The following KIR3DL1 variants were observed in gnomAD, a reference collection of about 807,000 sequenced individuals.
The protein encoded by KIR3DL1 is killer cell immunoglobulin like receptor, three Ig domains and long cytoplasmic tail 1, also known as killer cell immunoglobulin-like receptor 3DL1.
Under a neutral mutation model 40.3 loss-of-function variants are expected in KIR3DL1, and 50 were observed. That is an observed-to-expected ratio of 1.24 (90% CI 0.99 to 1.57). The LOEUF (loss-of-function observed/expected upper bound fraction) is 1.57. Among genes scored for constraint, KIR3DL1 ranks in the 40% most tolerant of loss-of-function variants. The probability of loss-of-function intolerance (pLI) is 0.00; values close to 1 mark genes in which losing one functional copy is unlikely to be tolerated. For missense variants in KIR3DL1, 661 were observed against 559.9 expected, an observed-to-expected ratio of 1.18 and a Z score of -1.82; for synonymous variants, 257 against 207.2, an observed-to-expected ratio of 1.24 and a Z score of -2.07.
rs1457268924 is a variant in KIR3DL1, at chr19:54,819,646, C to A, written c.356-67C>A. 2.6e-6 allele frequency: 4 copies of A among 1,531,686 alleles called. 1 individual carries two copies. In the South Asian group the frequency reaches 4.7e-5, roughly 18 times the overall value. The allele number at this position is 1,531,686 out of a possible 1,614,324, so 94.9% of individuals were successfully genotyped here. On this transcript the variant is annotated intron_variant, in intron 3 of 8. Transcript: ENST00000391728. ...AGACACGGGGAGGGGAACCCTCACT[C>A]ATTCCAGGTGCCATGGATGGGATGA...
exon 3 of KIR3DL1, chr19:54,818,477 A>G: frequency 6.2e-7 from 1 of 1,609,962 alleles, no homozygotes; most frequent in East Asian, 2.2e-5. Flanking sequence ...ATATTCCAGG[A>G]GAGCTTCAAC....
chr19:54,818,070 A>T (rs1216673883), intron 2 of KIR3DL1, among the ~76,000 whole-genome samples: 1 of 146,654 alleles, frequency 6.8e-6, no homozygotes, highest in South Asian at 2.2e-4. Context: ...GTTGTTTTAT[A>T]TGAGTAATTT....
intron 4 of KIR3DL1, among the ~76,000 whole-genome samples, chr19:54,820,998 C>T (rs2061603395): frequency 7.4e-6 from 1 of 135,690 alleles, no homozygotes; most frequent in South Asian, 2.8e-4. Flanking sequence ...ATAGATGATA[C>T]ATAGAGATGA....
At position 54,829,083 on chromosome 19, in the gene KIR3DL1, C is replaced by T. The variant is rs1383312812; in HGVS notation, c.1001-278C>T. On this transcript the variant is annotated intron_variant, in intron 6 of 8. Coordinates refer to ENST00000391728, the Ensembl canonical transcript of KIR3DL1. ...GGATCCACCTCCATGACCCAAACAC[C>T]TCCCAAGAGGCCCAACCTCCCACAC... is the stretch of plus-strand genomic sequence containing the variant. Among the ~76,000 whole-genome samples, 8 of 145,158 alleles carry T rather than the reference C, an allele frequency of 5.5e-5. 1 individual carries two copies. In the East Asian group the frequency reaches 1.0e-3, roughly 18 times the overall value.
At chr19:54,817,823 A>C (rs2148063760) in intron 2 of KIR3DL1, among the ~76,000 whole-genome samples, 1 of 148,802 alleles carries the variant, frequency 6.7e-6, no homozygotes, top group African/African-American at 2.5e-5. Context: ...CAGCAGAGAA[A>C]GAGAGGGAAG....
At chr19:54,818,565 G>A (rs750087147) in exon 3 of KIR3DL1, 32 of 1,611,112 alleles carry the variant, frequency 2.0e-5, no homozygotes, top group African/African-American at 1.2e-4. Flanking sequence ...CTGGGTGGTC[G>A]GCACCCAGCA....
chr19:54,823,666 T>G (rs1228149356), intron 5 of KIR3DL1, among the ~76,000 whole-genome samples: 1 of 151,182 alleles, frequency 6.6e-6, no homozygotes, highest in Non-Finnish European at 1.5e-5. Flanking sequence ...CCTAGCTAAT[T>G]TTTGTATGTT....
chr19:54,825,016 C>T lies in KIR3DL1; in HGVS notation c.950-12C>T. On this transcript the variant is annotated splice_polypyrimidine_tract_variant and intron_variant, in intron 5 of 8. Transcript: ENST00000391728. Reference sequence around the variant, plus strand: ...CCTCATTTCCTCACATCTCTCCTGTCCCATGTTCTAGGAAACCCTTCAAGT... The same window carrying T: ...CCTCATTTCCTCACATCTCTCCTGTTCCATGTTCTAGGAAACCCTTCAAGT... The T allele has an allele frequency of 6.7e-7, 1 of 1,500,194 alleles. No homozygotes were observed. 92.9% of individuals were successfully genotyped at this position (1,500,194 alleles called of 1,614,324 possible). A position where few individuals can be genotyped will look rare whatever the true frequency, so the allele number is the denominator to read the frequency against.
chr19:54,830,345 C>A, exon 9 of KIR3DL1: 3 of 1,433,490 alleles, frequency 2.1e-6, no homozygotes, highest in Non-Finnish European at 9.6e-7. Context: ...GAGTTGCCAG[C>A]TCCCATGTAC....
At chr19:54,827,455 T>G (rs1473964166) in intron 6 of KIR3DL1, among the ~76,000 whole-genome samples, 1 of 145,422 alleles carries the variant, frequency 6.9e-6, no homozygotes, top group Admixed American at 6.9e-5. Flanking sequence ...CTCCTAAAAA[T>G]ACAAAAATTA....
intron 4 of KIR3DL1, among the ~76,000 whole-genome samples, 195 bp downstream of exon 4, chr19:54,820,207 A>G (rs1370346639): frequency 6.6e-6 from 1 of 151,490 alleles, no homozygotes; most frequent in Admixed American, 6.6e-5. Flanking sequence ...AACAGAGGAC[A>G]GACACAGGGG....
chr19:54,818,042 A>G (rs2061436523), intron 2 of KIR3DL1, among the ~76,000 whole-genome samples: 1 of 148,874 alleles, frequency 6.7e-6, no homozygotes, highest in Non-Finnish European at 1.5e-5. Flanking sequence ...CTTGCCCTCC[A>G]TGCCGTGTCT....
chr19:54,819,589 G>T (rs1172444407), intron 3 of KIR3DL1, 124 bp from the exon 4 acceptor site: 1 of 1,196,882 alleles, frequency 8.4e-7, no homozygotes, highest in Non-Finnish European at 1.2e-6. Flanking sequence ...GCACAGAAAA[G>T]ACACGGAGAT....
rs1171620562 is a variant in KIR3DL1, at chr19:54,827,572, A to T, written c.1001-1789A>T. ...GGAGGTTGCAGTGAGTGGAGATCGC[A>T]TCACTGCACTCCAGCCTGGGTGACA... On this transcript the variant is annotated intron_variant, in intron 6 of 8. Coordinates refer to ENST00000391728, the Ensembl canonical transcript of KIR3DL1. Among the ~76,000 whole-genome samples, 4 of 150,168 alleles carry T rather than the reference A, an allele frequency of 2.7e-5. 1 individual carries two copies. Among genetic ancestry groups the T allele is most frequent in the African/African-American group, 1.0e-4 (4 of 39,924 alleles).
At position 54,829,521 on chromosome 19, in the gene KIR3DL1, G is replaced by C. The variant is rs930607836; in HGVS notation, c.1105+56G>C. The C allele has an allele frequency of 8.5e-5, 111 of 1,310,148 alleles. 17 individuals are homozygous for C. The highest frequency in any genetic ancestry group is 2.1e-4 in the Admixed American group (11 of 53,448). 81.2% of individuals were successfully genotyped at this position (1,310,148 alleles called of 1,614,324 possible). ...TCAGGGCCATGTGGGGAAGCAGGAT[G>C]GGAGCACACAGCTGTGTGTTCCTCA... is the stretch of plus-strand genomic sequence containing the variant. On this transcript the variant is annotated intron_variant, in intron 7 of 8. Coordinates refer to ENST00000391728, the Ensembl canonical transcript of KIR3DL1.
Position 54,821,907 on chromosome 19 carries a change from G to C in KIR3DL1, c.949+49G>C. The stretch of plus-strand genomic sequence containing the variant: ...CATGTCCTATGATCCTAAATCCTTA[G>C]CTAAGGAGCTTCCTGCTGATGATGG... On this transcript the variant is annotated intron_variant, in intron 5 of 8. Coordinates refer to ENST00000391728, the Ensembl canonical transcript of KIR3DL1. 5 of 1,560,050 alleles carry C rather than the reference G, an allele frequency of 3.2e-6. 1 individual carries two copies. Among genetic ancestry groups the C allele is most frequent in the Non-Finnish European group, 2.6e-6 (3 of 1,144,166 alleles).
chr19:54,819,364 A>G (rs1211466908), intron 3 of KIR3DL1, among the ~76,000 whole-genome samples: 8 of 110,804 alleles, frequency 7.2e-5, no homozygotes, highest in Non-Finnish European at 1.7e-4. Context: ...GATTTGTTCA[A>G]AAGAGATTGA....
At chr19:54,816,736 C>A (rs1323308215) in intron 1 of KIR3DL1, among the ~76,000 whole-genome samples, 73 of 45,680 alleles carry the variant, frequency 1.6e-3, no homozygotes, top group African/African-American at 3.2e-3. Context: ...GAGTGGAGAT[C>A]TGGGCCTGGA....
Position 54,825,509 on chromosome 19 carries a change from C to A in KIR3DL1, c.1000+431C>A, listed in dbSNP as rs1451705466. 1.9e-4 allele frequency among the ~76,000 whole-genome samples: 28 copies of A among 148,578 alleles called. 2 individuals carry two copies. The highest frequency in any genetic ancestry group is 6.5e-4 in the South Asian group (3 of 4,598). Reference sequence around the variant, plus strand: ...AGCAACCCTGGCTGACTCAGCAGAGCAAGAGCCTTGCCGTAACAGAGAACA... The same window carrying A: ...AGCAACCCTGGCTGACTCAGCAGAGAAAGAGCCTTGCCGTAACAGAGAACA... On this transcript the variant is annotated intron_variant, in intron 6 of 8. Transcript: ENST00000391728.
Sources: allele counts gnomAD v4.1 joint callset (sites outside exome capture counted in the v4.1 genomes callset), GRCh38; gene constraint gnomAD v4.1.1; transcripts MANE v1.5; gene names NCBI Gene and HGNC (gene_info 2026-07-23, HGNC 2026-07-21).